Variants in TSEN2 observed in about 807,000 individuals in gnomAD.
TSEN2 encodes tRNA splicing endonuclease subunit 2, also known as tRNA-splicing endonuclease subunit Sen2.
TSEN2 carries 54 observed loss-of-function variants against 59.2 expected under a neutral mutation model. The ratio of observed to expected loss-of-function variants is 0.91; its 90% CI spans 0.73 to 1.14. TSEN2 has a LOEUF of 1.14. TSEN2 is among the 50% of genes most tolerant of loss of function. The pLI is 0.00. For missense variants in TSEN2, 636 were observed against 576.2 expected (o/e 1.10, Z -1.06); for synonymous variants, 195 against 198.2 (o/e 0.98, Z 0.14).
intron 11 of TSEN2, 128 bp downstream of exon 11, chr3:12,531,787 C>T: frequency 1.4e-6 from 1 of 699,018 alleles, no homozygotes; most frequent in Non-Finnish European, 2.6e-6. Context: ...CTCAGGCAGG[C>T]TCTTAAGTCT....
At chr3:12,527,756 T>C (rs2057206475) in intron 8 of TSEN2, among the ~76,000 whole-genome samples, 1 of 152,218 alleles carries the variant, frequency 6.6e-6, no homozygotes, top group South Asian at 2.1e-4. Context: ...GATGCTTTAG[T>C]AACTGCTTCC....
chr3:12,521,408 CTG>C (rs1453131649), intron 8 of TSEN2, among the ~76,000 whole-genome samples: 5 of 152,196 alleles, frequency 3.3e-5, no homozygotes, highest in African/African-American at 1.2e-4. Context: ...CCAAGGTCAA[CTG>C]TAGTCAAAAA....
chr3:12,502,619 A>G (rs189479325), intron 4 of TSEN2, among the ~76,000 whole-genome samples: 68 of 149,200 alleles, frequency 4.6e-4, no homozygotes, highest in Admixed American at 4.3e-3. Context: ...CACTTAATCT[A>G]TCAGTTTTAA....
chr3:12,514,821 A>G (rs1468915155), intron 6 of TSEN2: 1 of 152,188 alleles, frequency 6.6e-6, no homozygotes, highest in Non-Finnish European at 1.5e-5. Flanking sequence ...AACAACAACA[A>G]CAACCCATAC....
At chr3:12,514,838 A>G (rs2055888920) in intron 6 of TSEN2, 1 of 152,190 alleles carries the variant, frequency 6.6e-6, no homozygotes, top group South Asian at 2.1e-4. Context: ...ATACCTTGAC[A>G]TAAATACTTT....
At chr3:12,505,126 T>C in intron 5 of TSEN2, 28 bp from the exon 6 acceptor site, 1 of 1,334,212 alleles carries the variant, frequency 7.5e-7, no homozygotes. Flanking sequence ...CCATTTGTTC[T>C]GTATATATTG....
chr3:12,505,113 C>A, intron 5 of TSEN2, 41 bp from the exon 6 acceptor site: 1 of 1,152,904 alleles, frequency 8.7e-7, no homozygotes, highest in Non-Finnish European at 1.3e-6. Context: ...ACATGTAGTG[C>A]TTCCATTTGT....
upstream of TSEN2, among the ~76,000 whole-genome samples, chr3:12,484,242 T>G (rs538529597): frequency 3.3e-5 from 5 of 152,368 alleles, no homozygotes; most frequent in South Asian, 1.0e-3. Context: ...GCATCTCATC[T>G]GTAAAATGCG....
At chr3:12,490,098 A>G (rs1241418655) in intron 2 of TSEN2, 109 bp downstream of exon 2, 3 of 1,082,712 alleles carry the variant, frequency 2.8e-6, no homozygotes, top group South Asian at 1.3e-5. Flanking sequence ...AACAATGTGT[A>G]TTCTTTCCTT....
Position 12,484,669 on chromosome 3 carries a change from G to T in TSEN2, c.-229G>T, listed in dbSNP as rs1395773887. On this transcript the variant is annotated 5_prime_UTR_variant, in exon 1 of 12. Coordinates refer to ENST00000284995, the MANE Select transcript of TSEN2 (RefSeq NM_025265.4). ...CGCACAGCCGGCCGAGACAGTGCCGGGACGGGGAGCCAGGCTTCCGAGTGC... is the reference window on the plus strand; with the variant it reads ...CGCACAGCCGGCCGAGACAGTGCCGTGACGGGGAGCCAGGCTTCCGAGTGC... 1.3e-5 allele frequency: 2 copies of T among 152,292 alleles called. No homozygotes were observed. The highest frequency in any genetic ancestry group is 4.8e-5 in the African/African-American group (2 of 41,474). The allele number at this position is 152,292 out of a possible 1,614,324, so 9.4% of individuals were successfully genotyped here.
At chr3:12,501,689 C>G (rs142870749) in intron 4 of TSEN2, among the ~76,000 whole-genome samples, 1 of 152,132 alleles carries the variant, frequency 6.6e-6, no homozygotes, top group Admixed American at 6.5e-5. Flanking sequence ...AGTATATGTG[C>G]TGCCGCATCG....
intron 3 of TSEN2, among the ~76,000 whole-genome samples, chr3:12,495,275 C>T (rs2053638241): frequency 6.6e-6 from 1 of 151,850 alleles, no homozygotes; most frequent in African/African-American, 2.4e-5. Flanking sequence ...GGAGATAGGG[C>T]CTGGAGTGCA....
In TSEN2 at chr3:12,531,651, A is replaced by G; in HGVS notation, c.1330A>G (p.Lys444Glu). 1 of 1,606,114 alleles carries G rather than the reference A, an allele frequency of 6.2e-7. No individual in the cohort carries two copies. The highest frequency in any genetic ancestry group is 8.5e-7 in the Non-Finnish European group (1 of 1,172,632). The change falls in exon 11 of 12, where the codon AAA becomes GAA. Residue 444 changes from lysine to glutamate, a missense_variant. Coordinates refer to ENST00000284995, the MANE Select transcript of TSEN2 (RefSeq NM_025265.4). Reference protein sequence around the residue: ...MESPECMKRIKVQEVILSRWV... With the variant: ...MESPECMKRIEVQEVILSRWV... Reference sequence around the variant, plus strand: ...GTCACCAGAATGTATGAAAAGGATTAAAGTTCAGGTGGGTAAACTCAGAGA... The same window carrying G: ...GTCACCAGAATGTATGAAAAGGATTGAAGTTCAGGTGGGTAAACTCAGAGA...
At chr3:12,521,526 C>T (rs2125181890) in intron 8 of TSEN2, among the ~76,000 whole-genome samples, 1 of 151,892 alleles carries the variant, frequency 6.6e-6, no homozygotes, top group South Asian at 2.1e-4. Flanking sequence ...ACCAGCCTTG[C>T]CAACGTGGTG....
chr3:12,489,061 C>G (rs2016649), intron 1 of TSEN2, among the ~76,000 whole-genome samples: 1 of 148,030 alleles, frequency 6.8e-6, no homozygotes, highest in Non-Finnish European at 1.5e-5. Context: ...TCGTTCTTAT[C>G]TTGATTTTGC....
At chr3:12,509,368 T>C (rs1221135924) in intron 6 of TSEN2, among the ~76,000 whole-genome samples, 1 of 151,904 alleles carries the variant, frequency 6.6e-6, no homozygotes, top group African/African-American at 2.4e-5. Flanking sequence ...CCCAGCTAAT[T>C]TTTGTATTTT....
chr3:12,535,886 C>T (rs765521987), downstream of TSEN2, among the ~76,000 whole-genome samples: 1 of 152,144 alleles, frequency 6.6e-6, no homozygotes, highest in Non-Finnish European at 1.5e-5. Flanking sequence ...ACTGGGAAAA[C>T]AGGGGCGACG....
intron 8 of TSEN2, among the ~76,000 whole-genome samples, chr3:12,521,370 CTG>C (rs1559347279): frequency 6.6e-6 from 1 of 152,170 alleles, no homozygotes; most frequent in East Asian, 1.9e-4. Flanking sequence ...CAGATAAGCA[CTG>C]TAAGAAGAAG....
rs750326629 is a variant in TSEN2 at position 12,490,019 on chromosome 3, T to C, written c.189+30T>C. On this transcript the variant is annotated intron_variant, in intron 2 of 11. Coordinates refer to ENST00000284995, the MANE Select transcript of TSEN2 (RefSeq NM_025265.4). ...GTGCAGGCAGCCTTGGTAAGATTAC[T>C]TTCAGACAACCCTGAGCAAGCAGTC... 3 of 1,608,536 alleles carry C rather than the reference T, an allele frequency of 1.9e-6. No individual in the cohort carries two copies. The South Asian group carries it at 3.3e-5, about 18-fold the overall frequency.
Sources: allele counts gnomAD v4.1 joint callset (sites outside exome capture counted in the v4.1 genomes callset), GRCh38; gene constraint gnomAD v4.1.1; transcripts MANE v1.5; gene names NCBI Gene and HGNC (gene_info 2026-07-23, HGNC 2026-07-21).